The following TENM3 variants were observed in gnomAD, a reference collection of about 807,000 sequenced individuals.
TENM3 encodes the protein teneurin transmembrane protein 3, also known as teneurin-3.
In TENM3, 63 loss-of-function variants were observed where a neutral mutation model predicts 255.1. The observed-to-expected ratio is 0.25, with a 90% CI of 0.20 to 0.30. The LOEUF (loss-of-function observed/expected upper bound fraction) is 0.30, where lower values mean the gene tolerates loss of function less well. TENM3 is among the 10% of genes least tolerant of loss of function. The pLI, the probability that TENM3 is intolerant of heterozygous loss-of-function variation, is 1.00. For missense variants in TENM3, 2,929 were observed against 3,461.1 expected (o/e 0.85, Z 3.86); for synonymous variants, 1,306 against 1,322.3 (o/e 0.99, Z 0.27).
chr4:182,610,635 A>T (rs753854395), intron 4 of TENM3, among the ~76,000 whole-genome samples: 4 of 152,008 alleles, frequency 2.6e-5, no homozygotes, highest in Non-Finnish European at 5.9e-5. Flanking sequence ...ATGAGCTATG[A>T]TCGCACCACT....
the TENM3 span, among the ~76,000 whole-genome samples, chr4:181,455,127 A>G: frequency 2.0e-5 from 3 of 152,136 alleles, no homozygotes; most frequent in Non-Finnish European, 4.4e-5. Flanking sequence ...AAGATGGTAC[A>G]AAAAGAGAAC....
chr4:182,310,902 G>T (rs908864186), intron 1 of TENM3, among the ~76,000 whole-genome samples: 1 of 152,084 alleles, frequency 6.6e-6, no homozygotes, highest in African/African-American at 2.4e-5. Flanking sequence ...TAGAGATGGG[G>T]TTTCACCATG....
At chr4:182,076,217 T>G in the TENM3 span, among the ~76,000 whole-genome samples, 1 of 87,668 alleles carries the variant, frequency 1.1e-5, no homozygotes, top group Non-Finnish European at 2.5e-5. Context: ...CTTCTTCTTT[T>G]TTTTTTTTTT....
the TENM3 span, among the ~76,000 whole-genome samples, chr4:181,888,348 T>C: frequency 6.6e-6 from 1 of 151,210 alleles, no homozygotes; most frequent in African/African-American, 2.4e-5. Flanking sequence ...AATTTTAGTT[T>C]GTCATTTCCC....
chr4:182,102,960 T>C, the TENM3 span, among the ~76,000 whole-genome samples: 3 of 152,184 alleles, frequency 2.0e-5, no homozygotes, highest in East Asian at 5.8e-4. Context: ...AAAACCATAA[T>C]AATAACAGTG....
intron 13 of TENM3, among the ~76,000 whole-genome samples, chr4:182,723,700 T>C (rs41463344): frequency 1.3e-5 from 2 of 152,122 alleles, no homozygotes; most frequent in African/African-American, 2.4e-5. Flanking sequence ...AAGAGTGATG[T>C]GTAAAGTATA....
At chr4:182,194,024 C>T (rs1260297242) in intron 1 of TENM3, among the ~76,000 whole-genome samples, 3 of 152,180 alleles carry the variant, frequency 2.0e-5, no homozygotes, top group African/African-American at 7.2e-5. Context: ...CCAGAATTAA[C>T]ATAATCTATT....
intron 22 of TENM3, among the ~76,000 whole-genome samples, chr4:182,760,993 T>C (rs980537911): frequency 6.7e-6 from 1 of 149,290 alleles, no homozygotes; most frequent in African/African-American, 2.4e-5. Context: ...AGAAAAGATA[T>C]CATTAATTAG....
chr4:181,829,924 C>T, the TENM3 span: 6 of 152,382 alleles, frequency 3.9e-5, no homozygotes, highest in Non-Finnish European at 7.3e-5. Flanking sequence ...CCCCACTTAC[C>T]TACCAGCAGT....
the TENM3 span, among the ~76,000 whole-genome samples, chr4:181,545,987 G>A: frequency 7.6e-4 from 115 of 152,288 alleles, no homozygotes; most frequent in African/African-American, 2.6e-3. Flanking sequence ...TGATGGGATA[G>A]TTCTCTTCAC....
the TENM3 span, among the ~76,000 whole-genome samples, chr4:181,577,117 T>C: frequency 7.4e-6 from 1 of 134,506 alleles, no homozygotes; most frequent in Non-Finnish European, 1.5e-5. Context: ...TATATAATAA[T>C]AAATTATGTG....
chr4:182,653,542 T>C (rs144288126), intron 5 of TENM3, among the ~76,000 whole-genome samples: 126 of 151,682 alleles, frequency 8.3e-4, no homozygotes, highest in African/African-American at 2.9e-3. Context: ...ATGAAGTGAA[T>C]AGTATTAAAT....
chr4:181,954,097 A>G, the TENM3 span, among the ~76,000 whole-genome samples: 1 of 152,236 alleles, frequency 6.6e-6, no homozygotes, highest in Non-Finnish European at 1.5e-5. Context: ...TGCATGTATC[A>G]GTAGCTCATT....
chr4:182,356,133 G>T (rs985137218), intron 3 of TENM3, among the ~76,000 whole-genome samples: 1 of 148,176 alleles, frequency 6.7e-6, no homozygotes, highest in Admixed American at 6.6e-5. Context: ...TTTTATAGAG[G>T]CAAAAAAAAC....
At chr4:182,680,799 G>C (rs140863374) in intron 10 of TENM3, 62 bp downstream of exon 10, 12 of 1,287,174 alleles carry the variant, frequency 9.3e-6, no homozygotes, top group Non-Finnish European at 1.1e-5. Flanking sequence ...GATTGTATCT[G>C]TAATCTTTAG....
chr4:182,207,769 G>A (rs188133518), intron 1 of TENM3, among the ~76,000 whole-genome samples: 15 of 152,274 alleles, frequency 9.9e-5, no homozygotes, highest in Admixed American at 4.6e-4. Context: ...TAAAAATGCC[G>A]ATTTTCTGGA....
At position 182,793,946 on chromosome 4, in the gene TENM3, A is replaced by G; in HGVS notation, c.7213+61A>G. On this transcript the variant is annotated intron_variant, in intron 26 of 27. Transcript: ENST00000511685. This position sits in a 1 kb window ranked among gnomAD's most constrained non-coding sequence, Gnocchi z 5.7. ...CTACCATCATTAGATTAATACACAA[A>G]ATAACTGGAAATGCTTTTTTAAAAA... is the stretch of plus-strand genomic sequence containing the variant. 1 of 1,408,622 alleles carries G rather than the reference A, an allele frequency of 7.1e-7. No individual in the cohort carries two copies. The allele number at this position is 1,408,622 out of a possible 1,614,324, so 87.3% of individuals were successfully genotyped here.
intron 3 of TENM3, among the ~76,000 whole-genome samples, chr4:182,456,233 G>A (rs1486255079): frequency 5.3e-5 from 8 of 152,280 alleles, no homozygotes; most frequent in South Asian, 4.1e-4. Context: ...TGGCCTGTCC[G>A]TGCTGTCAGC....
At chr4:182,484,785 T>G (rs758087478) in intron 3 of TENM3, among the ~76,000 whole-genome samples, 26 of 152,158 alleles carry the variant, frequency 1.7e-4, no homozygotes, top group Non-Finnish European at 3.1e-4. Flanking sequence ...GAAAGCTACT[T>G]GAGTTGATAC....
Sources: gnomAD v4.1 joint callset for allele counts (sites outside exome capture counted in the v4.1 genomes callset) on GRCh38, gnomAD v4.1.1 for gene constraint, Gnocchi (gnomAD v3.1) non-coding constraint, MANE v1.5 for transcripts, NCBI Gene and HGNC (gene_info 2026-07-23, HGNC 2026-07-21) for gene names.